The following CD226 variants were observed in gnomAD, a reference collection of about 807,000 sequenced individuals.
CD226 encodes CD226 molecule, also known as CD226 antigen.
A neutral mutation model predicts 34.9 loss-of-function variants in CD226; 24 were observed. The ratio of observed to expected loss-of-function variants is 0.69; its 90% CI spans 0.50 to 0.97. CD226 has a LOEUF of 0.97. Ranked by LOEUF, CD226 falls within the 50% of genes least tolerant of loss-of-function variation. The probability of loss-of-function intolerance (pLI) is 0.00; values close to 1 mark genes in which losing one functional copy is unlikely to be tolerated. For missense variants in CD226, 397 were observed against 412.7 expected (o/e 0.96, Z 0.33); for synonymous variants, 148 against 147.4 (o/e 1.00, Z -0.03).
At chr18:69,898,491 G>A (rs1368293347) in intron 2 of CD226, among the ~76,000 whole-genome samples, 1 of 152,170 alleles carries the variant, frequency 6.6e-6, no homozygotes, top group Non-Finnish European at 1.5e-5. Flanking sequence ...AGGAAGCAAT[G>A]GGGAAAATCC....
upstream of CD226, among the ~76,000 whole-genome samples, chr18:69,958,457 G>A (rs1477172774): frequency 1.3e-5 from 2 of 152,138 alleles, no homozygotes; most frequent in African/African-American, 2.4e-5. Flanking sequence ...GACAAAAACA[G>A]TCTTGACCCA....
intron 5 of CD226, among the ~76,000 whole-genome samples, chr18:69,865,591 G>A (rs1395367782): frequency 1.3e-5 from 2 of 152,166 alleles, no homozygotes; most frequent in Non-Finnish European, 2.9e-5. Flanking sequence ...AATTGTGTAT[G>A]ACAGAGCACC....
intron 3 of CD226, among the ~76,000 whole-genome samples, chr18:69,879,453 C>T (rs117462840): frequency 0.047 from 7,148 of 152,146 alleles, 229 homozygotes; most frequent in South Asian, 0.11. Context: ...AGGAATTCAG[C>T]GATATTTCTC....
intron 2 of CD226, among the ~76,000 whole-genome samples, chr18:69,905,259 G>C (rs1025274446): frequency 4.6e-5 from 7 of 151,460 alleles, no homozygotes; most frequent in Non-Finnish European, 8.8e-5. Context: ...TCTGCTCCTA[G>C]ATAGCTTATT....
intron 2 of CD226, among the ~76,000 whole-genome samples, chr18:69,927,843 ACT>A (rs745737484): frequency 1.9e-4 from 29 of 152,202 alleles, no homozygotes; most frequent in Admixed American, 3.3e-4. Flanking sequence ...CTCCGTAGAC[ACT>A]TAGGTTGCTT....
At chr18:69,896,473 A>G (rs1001284190) in intron 2 of CD226, among the ~76,000 whole-genome samples, 12 of 152,076 alleles carry the variant, frequency 7.9e-5, no homozygotes, top group Non-Finnish European at 1.6e-4. Flanking sequence ...GAGCCACCGC[A>G]CCCAGTTGTG....
At chr18:69,952,426 A>G (rs1348667847), upstream of CD226, among the ~76,000 whole-genome samples, 2 of 152,230 alleles carry the variant, frequency 1.3e-5, no homozygotes, top group Non-Finnish European at 2.9e-5. Flanking sequence ...TTGAATTTAT[A>G]CAAATAAAAA....
rs574772422 is a variant in CD226 at position 69,920,224 on chromosome 18, T to C, written c.383-24179A>G. On this transcript the variant is annotated intron_variant, in intron 2 of 5. Transcript: ENST00000582621. Reference sequence around the variant, plus strand: ...ATAGAAACAGGAAAAACTGAAGATATTTTTTAAACTGCTTTGCTTTCCTGG... The same window carrying C: ...ATAGAAACAGGAAAAACTGAAGATACTTTTTAAACTGCTTTGCTTTCCTGG... 5.3e-5 allele frequency among the ~76,000 whole-genome samples: 8 copies of C among 152,302 alleles called. No individual in the cohort carries two copies. In the South Asian group the frequency reaches 1.0e-3, roughly 20 times the overall value.
chr18:69,878,526 A>G (rs1984016967), intron 3 of CD226, among the ~76,000 whole-genome samples: 1 of 151,240 alleles, frequency 6.6e-6, no homozygotes, highest in Non-Finnish European at 1.5e-5. Flanking sequence ...TTTATCCTCT[A>G]TTAGGGTGGG....
At chr18:69,926,714 T>C (rs573655090) in intron 2 of CD226, among the ~76,000 whole-genome samples, 1 of 152,328 alleles carries the variant, frequency 6.6e-6, no homozygotes, top group Admixed American at 6.5e-5. Context: ...CCAAGTATTA[T>C]ATAGGATCTT....
rs567462471 is a variant in CD226, at chr18:69,898,439, G to T, written c.383-2394C>A. Reference sequence around the variant, plus strand: ...CCTGCCGACTCAGGTAGAAACAGGGGTCTACTCATAGCCGTGTCTGCATTT... The same window carrying T: ...CCTGCCGACTCAGGTAGAAACAGGGTTCTACTCATAGCCGTGTCTGCATTT... On this transcript the variant is annotated intron_variant, in intron 2 of 5. Transcript: ENST00000582621. Among the ~76,000 whole-genome samples, 8 of 152,264 alleles carry T rather than the reference G, an allele frequency of 5.3e-5. No individual in the cohort carries two copies. In the South Asian group the frequency reaches 1.2e-3, roughly 24 times the overall value.
chr18:69,951,954 A>G (rs905199962), upstream of CD226, among the ~76,000 whole-genome samples: 14 of 152,352 alleles, frequency 9.2e-5, no homozygotes, highest in African/African-American at 3.1e-4. Context: ...AAATCATTAT[A>G]TTAAAAATAT....
At chr18:69,903,930 G>T (rs994210493) in intron 2 of CD226, among the ~76,000 whole-genome samples, 1 of 152,180 alleles carries the variant, frequency 6.6e-6, no homozygotes, top group Non-Finnish European at 1.5e-5. Flanking sequence ...ACGACATCTT[G>T]GGTACAGTCT....
At chr18:69,910,004 A>G (rs1568187309) in intron 2 of CD226, among the ~76,000 whole-genome samples, 1 of 152,250 alleles carries the variant, frequency 6.6e-6, no homozygotes, top group Non-Finnish European at 1.5e-5. Flanking sequence ...ACATGTATGT[A>G]CACTTTGCTA....
At chr18:69,886,698 C>T (rs1984576785) in intron 3 of CD226, among the ~76,000 whole-genome samples, 1 of 147,112 alleles carries the variant, frequency 6.8e-6, no homozygotes, top group African/African-American at 2.6e-5. Flanking sequence ...AGAGTGAGAA[C>T]CTGTCTCAAA....
chr18:69,895,674 A>G, intron 3 of CD226, 27 bp downstream of exon 3: 3 of 1,562,758 alleles, frequency 1.9e-6, no homozygotes, highest in Non-Finnish European at 2.6e-6. Flanking sequence ...CATGTTTGAT[A>G]CCAGAAGATG....
intron 2 of CD226, among the ~76,000 whole-genome samples, chr18:69,919,909 G>A (rs996593752): frequency 3.3e-4 from 48 of 144,744 alleles, no homozygotes; most frequent in African/African-American, 9.6e-4. Flanking sequence ...ACAAGGTCTC[G>A]CTCTATTGCC....
chr18:69,894,376 G>GGA (rs1985082221), intron 3 of CD226, among the ~76,000 whole-genome samples: 1 of 1,678 alleles, frequency 6.0e-4, no homozygotes, highest in African/African-American at 1.4e-3. Flanking sequence ...GCTCAAGTGG[G>GGA]AGGAAGGAAG....
At chr18:69,906,576 C>G (rs1277229369) in intron 2 of CD226, among the ~76,000 whole-genome samples, 2 of 152,216 alleles carry the variant, frequency 1.3e-5, no homozygotes, top group Non-Finnish European at 2.9e-5. Context: ...ACCCTTATGG[C>G]TCTCTCCTGA....
Sources: gnomAD v4.1 joint callset for allele counts (sites outside exome capture counted in the v4.1 genomes callset) on GRCh38, gnomAD v4.1.1 for gene constraint, MANE v1.5 for transcripts, NCBI Gene and HGNC (gene_info 2026-07-23, HGNC 2026-07-21) for gene names.